The following SPAG16 variants were observed in gnomAD, a reference collection of about 807,000 sequenced individuals.
The protein encoded by SPAG16 is sperm-associated antigen 16 protein.
In SPAG16, 86 loss-of-function variants were observed where a neutral mutation model predicts 80.4. The ratio of observed to expected loss-of-function variants is 1.07; its 90% CI spans 0.90 to 1.28. The LOEUF (loss-of-function observed/expected upper bound fraction) is 1.28. Ranked by LOEUF, SPAG16 falls within the 50% of genes most tolerant of loss-of-function variation. The pLI, the probability that SPAG16 is intolerant of heterozygous loss-of-function variation, is 0.00. For missense variants in SPAG16, 870 were observed against 765.3 expected (o/e 1.14, Z -1.61); for synonymous variants, 294 against 265.9 (o/e 1.11, Z -1.03).
In SPAG16 at chr2:214,063,461, G is replaced by C. The variant is rs549448513; in HGVS notation, c.1528-44735G>C. ...TTGGTGCATCCTATGGAGAGGAGGAGCACTGTGTCTTCACATGGCAGGAGA... is the reference window on the plus strand; with the variant it reads ...TTGGTGCATCCTATGGAGAGGAGGACCACTGTGTCTTCACATGGCAGGAGA... On this transcript the variant is annotated intron_variant, in intron 13 of 15. Coordinates refer to ENST00000331683, the MANE Select transcript of SPAG16 (RefSeq NM_024532.5). Among the ~76,000 whole-genome samples the C allele has an allele frequency of 2.0e-5, 3 of 152,306 alleles. No individual in the cohort carries two copies. The South Asian group carries it at 6.2e-4, about 32-fold the overall frequency.
At chr2:214,324,545 T>G (rs1272553469) in intron 15 of SPAG16, among the ~76,000 whole-genome samples, 1 of 152,158 alleles carries the variant, frequency 6.6e-6, no homozygotes, top group Non-Finnish European at 1.5e-5. Context: ...CATGAGAGGA[T>G]CTGTATTTTG....
intron 10 of SPAG16, among the ~76,000 whole-genome samples, chr2:213,733,552 T>G (rs1261994602): frequency 6.6e-6 from 1 of 151,438 alleles, no homozygotes; most frequent in African/African-American, 2.4e-5. Context: ...TCGTGGGGAT[T>G]CTGAAAGTAA....
chr2:214,337,083 A>G (rs1204696373), intron 15 of SPAG16, among the ~76,000 whole-genome samples: 1 of 150,818 alleles, frequency 6.6e-6, no homozygotes, highest in Non-Finnish European at 1.5e-5. Flanking sequence ...ACCTTATCAT[A>G]CTGGGACTCC....
intron 7 of SPAG16, among the ~76,000 whole-genome samples, chr2:213,352,985 T>C (rs897541258): frequency 6.6e-6 from 1 of 152,186 alleles, no homozygotes; most frequent in African/African-American, 2.4e-5. Flanking sequence ...AGTGCTCATT[T>C]TCTTCCTTCA....
chr2:213,548,812 A>G (rs1192361752), intron 10 of SPAG16, among the ~76,000 whole-genome samples: 2 of 152,130 alleles, frequency 1.3e-5, no homozygotes, highest in African/African-American at 4.8e-5. Flanking sequence ...CTTATAGTCT[A>G]TAATTCTTAA....
intron 15 of SPAG16, among the ~76,000 whole-genome samples, chr2:214,165,469 C>CCTT (rs2056610556): frequency 2.6e-5 from 1 of 37,842 alleles, no homozygotes; most frequent in African/African-American, 1.4e-4. Context: ...CATCACCATC[C>CCTT]TTTTTTTTTT....
chr2:213,884,222 G>A (rs2076466081), intron 11 of SPAG16, among the ~76,000 whole-genome samples: 1 of 152,120 alleles, frequency 6.6e-6, no homozygotes, highest in Non-Finnish European at 1.5e-5. Context: ...ATCCCTCAGA[G>A]TTTGCTTGTC....
chr2:213,958,185 C>T (rs1255764109), intron 12 of SPAG16, among the ~76,000 whole-genome samples: 2 of 152,142 alleles, frequency 1.3e-5, no homozygotes, highest in African/African-American at 4.8e-5. Flanking sequence ...AGTTTGGTTT[C>T]CTGCAGGGAA....
chr2:213,579,005 G>C (rs1576053553), intron 10 of SPAG16, among the ~76,000 whole-genome samples: 1 of 152,024 alleles, frequency 6.6e-6, no homozygotes, highest in Non-Finnish European at 1.5e-5. Context: ...AACTTGCATT[G>C]TTTTAAGATA....
chr2:213,976,054 C>G (rs2045353380), intron 12 of SPAG16, among the ~76,000 whole-genome samples: 1 of 148,982 alleles, frequency 6.7e-6, no homozygotes, highest in Non-Finnish European at 1.5e-5. Flanking sequence ...CATACAGCTT[C>G]TCATGATATG....
intron 9 of SPAG16, among the ~76,000 whole-genome samples, chr2:213,418,539 A>G (rs1158329490): frequency 6.6e-6 from 1 of 152,070 alleles, no homozygotes; most frequent in African/African-American, 2.4e-5. Flanking sequence ...TTTTTTCATG[A>G]CTTCCTATTT....
chr2:214,359,450 G>C (rs1424186702), intron 15 of SPAG16, among the ~76,000 whole-genome samples: 1 of 151,866 alleles, frequency 6.6e-6, no homozygotes, highest in African/African-American at 2.4e-5. Flanking sequence ...TGTTGCTAAA[G>C]AGTTAATACA....
intron 4 of SPAG16, among the ~76,000 whole-genome samples, chr2:213,313,772 T>G (rs1348079742): frequency 6.6e-6 from 1 of 151,900 alleles, no homozygotes; most frequent in East Asian, 1.9e-4. Context: ...TCAGCCATGC[T>G]ATATTTTTCC....
At chr2:213,383,859 A>C (rs1222281448) in intron 9 of SPAG16, among the ~76,000 whole-genome samples, 2 of 152,214 alleles carry the variant, frequency 1.3e-5, no homozygotes, top group Admixed American at 1.3e-4. Flanking sequence ...TTTTATGACT[A>C]GAGTGGAATG....
chr2:213,801,586 G>T (rs1481207250), intron 10 of SPAG16, among the ~76,000 whole-genome samples: 1 of 152,182 alleles, frequency 6.6e-6, no homozygotes, highest in Non-Finnish European at 1.5e-5. Context: ...AGACCTATGT[G>T]CTAAGGTTGA....
intron 10 of SPAG16, among the ~76,000 whole-genome samples, chr2:213,686,701 T>TTG (rs2064694290): frequency 2.2e-5 from 3 of 139,404 alleles, no homozygotes; most frequent in African/African-American, 8.5e-5. Flanking sequence ...TTTTTTTTTT[T>TTG]TTTGAGACAG....
chr2:214,231,815 T>G (rs1227042794), intron 15 of SPAG16, among the ~76,000 whole-genome samples: 1 of 152,116 alleles, frequency 6.6e-6, no homozygotes, highest in Non-Finnish European at 1.5e-5. Flanking sequence ...TATTTATGTA[T>G]TTTAACTGCT....
chr2:213,843,567 T>G (rs2074468639), intron 10 of SPAG16, among the ~76,000 whole-genome samples: 1 of 152,076 alleles, frequency 6.6e-6, no homozygotes, highest in Non-Finnish European at 1.5e-5. Flanking sequence ...AACACCCTTC[T>G]AGGCCGGGCG....
intron 15 of SPAG16, among the ~76,000 whole-genome samples, chr2:214,363,768 T>A (rs939085192): frequency 3.3e-5 from 5 of 152,030 alleles, no homozygotes; most frequent in Non-Finnish European, 7.4e-5. Flanking sequence ...CCGAAGGTAA[T>A]AGGGGTTACA....
Sources: gnomAD v4.1 joint callset for allele counts (sites outside exome capture counted in the v4.1 genomes callset) on GRCh38, gnomAD v4.1.1 for gene constraint, MANE v1.5 for transcripts, NCBI Gene and HGNC (gene_info 2026-07-23, HGNC 2026-07-21) for gene names.